The following THSD7B variants were observed in gnomAD, a reference collection of about 807,000 sequenced individuals.
THSD7B encodes the protein thrombospondin type 1 domain containing 7B, also known as thrombospondin type-1 domain-containing protein 7B.
Under a neutral mutation model 213.6 loss-of-function variants are expected in THSD7B, and 138 were observed. The observed-to-expected ratio is 0.65, with a 90% confidence interval of 0.56 to 0.74. The LOEUF is 0.74. THSD7B is among the 30% of genes least tolerant of loss of function. The probability of loss-of-function intolerance (pLI) is 0.00; values close to 1 mark genes in which losing one functional copy is unlikely to be tolerated. For synonymous variants in THSD7B, 742 were observed against 687.0 expected, an observed-to-expected ratio of 1.08 and a Z score of -1.25; for missense variants, 1,931 against 1,991.5, an observed-to-expected ratio of 0.97 and a Z score of 0.58.
chr2:137,271,495 T>C (rs189166274), intron 10 of THSD7B, among the ~76,000 whole-genome samples: 1 of 139,734 alleles, frequency 7.2e-6, no homozygotes, highest in African/African-American at 2.8e-5. Flanking sequence ...ATATATATAT[T>C]ATTCATTCAT....
intron 12 of THSD7B, among the ~76,000 whole-genome samples, chr2:137,351,273 A>T (rs988480715): frequency 6.6e-6 from 1 of 151,976 alleles, no homozygotes; most frequent in African/African-American, 2.4e-5. Context: ...TAAGCTTAAC[A>T]TAGAAGATAT....
chr2:137,163,076 G>A lies in THSD7B; in HGVS notation c.1525+2708G>A, dbSNP rs772089734. ...CTTGAACTTTCAGTTTTATTTTTCC[G>A]GATAATTCGGAACTGGCCCATGGAA... On this transcript the variant is annotated intron_variant, in intron 6 of 27. Coordinates refer to ENST00000409968, the MANE Select transcript of THSD7B (RefSeq NM_001316349.2). 4.6e-5 allele frequency among the ~76,000 whole-genome samples: 7 copies of A among 151,962 alleles called. No individual in the cohort carries two copies. In the East Asian group the frequency reaches 7.7e-4, roughly 17 times the overall value.
At chr2:137,620,528 G>GA (rs1682498663) in intron 19 of THSD7B, 81 bp from the exon 20 acceptor site, 2 of 1,063,824 alleles carry the variant, frequency 1.9e-6, no homozygotes, top group Admixed American at 3.7e-5. Context: ...CAGAGTAAAG[G>GA]AAAGTCTTTC....
At chr2:136,932,485 G>C (rs894027972) in intron 2 of THSD7B, among the ~76,000 whole-genome samples, 6 of 147,910 alleles carry the variant, frequency 4.1e-5, no homozygotes, top group Non-Finnish European at 7.6e-5. Context: ...TAACTAATAG[G>C]CTATGGTTGA....
chr2:137,457,524 C>G (rs1687786463), intron 15 of THSD7B, among the ~76,000 whole-genome samples: 1 of 152,148 alleles, frequency 6.6e-6, no homozygotes, highest in Non-Finnish European at 1.5e-5. Context: ...ATCCCTAATC[C>G]CTTAACTCCT....
chr2:137,009,638 C>CA (rs1305212910), intron 2 of THSD7B, among the ~76,000 whole-genome samples: 3 of 151,956 alleles, frequency 2.0e-5, no homozygotes, highest in African/African-American at 4.8e-5. Context: ...GAAAACCAAG[C>CA]AAAAAGGGAA....
chr2:137,572,637 C>CCTG, intron 17 of THSD7B, 81 bp downstream of exon 17: 2 of 1,450,666 alleles, frequency 1.4e-6, no homozygotes, highest in South Asian at 1.4e-5. Context: ...CAGTGCTAGT[C>CCTG]TCCAAAGCAT....
At chr2:137,153,874 A>G (rs1679861825) in intron 5 of THSD7B, among the ~76,000 whole-genome samples, 1 of 152,130 alleles carries the variant, frequency 6.6e-6, no homozygotes, top group South Asian at 2.1e-4. Flanking sequence ...AGGCTCTTTC[A>G]TTAGTTTCAA....
intron 1 of THSD7B, among the ~76,000 whole-genome samples, chr2:136,843,878 T>C (rs1021353972): frequency 6.6e-6 from 1 of 152,188 alleles, no homozygotes; most frequent in Non-Finnish European, 1.5e-5. Context: ...CACAGAATCC[T>C]TTGAACACTA....
chr2:137,116,956 C>T (rs776208734), intron 5 of THSD7B, among the ~76,000 whole-genome samples: 3 of 152,116 alleles, frequency 2.0e-5, no homozygotes, highest in Non-Finnish European at 4.4e-5. Context: ...ACAGAAAGTA[C>T]TTAGAAAGCT....
intron 3 of THSD7B, among the ~76,000 whole-genome samples, chr2:137,094,610 C>T (rs983481711): frequency 1.1e-4 from 16 of 151,276 alleles, no homozygotes; most frequent in African/African-American, 1.5e-4. Flanking sequence ...TCTAATAATA[C>T]GGATAATACT....
At chr2:137,350,720 G>A (rs529534124) in intron 12 of THSD7B, among the ~76,000 whole-genome samples, 15 of 151,902 alleles carry the variant, frequency 9.9e-5, no homozygotes, top group East Asian at 5.8e-4. Flanking sequence ...TTGATAAACC[G>A]GAGGAGACAG....
chr2:137,481,591 C>T (rs1688306881), intron 15 of THSD7B, among the ~76,000 whole-genome samples: 1 of 152,208 alleles, frequency 6.6e-6, no homozygotes, highest in Non-Finnish European at 1.5e-5. Flanking sequence ...GTAAGGATTA[C>T]TTAGCTCTGT....
chr2:137,393,553 T>A (rs1686097288), intron 12 of THSD7B, among the ~76,000 whole-genome samples: 1 of 148,780 alleles, frequency 6.7e-6, no homozygotes, highest in Non-Finnish European at 1.5e-5. Context: ...CTTAATCCAG[T>A]CTATCATTGT....
chr2:137,539,081 T>A (rs555737647), intron 15 of THSD7B, among the ~76,000 whole-genome samples: 1 of 151,890 alleles, frequency 6.6e-6, no homozygotes, highest in South Asian at 2.1e-4. Flanking sequence ...TCTTTACTTT[T>A]ATAGTTTTAA....
intron 15 of THSD7B, among the ~76,000 whole-genome samples, chr2:137,513,677 T>C (rs1328974068): frequency 6.6e-6 from 1 of 152,184 alleles, no homozygotes; most frequent in East Asian, 1.9e-4. Context: ...TTCTGTCTTA[T>C]TTAGAGTATC....
At chr2:136,971,096 A>T (rs1193897619) in intron 2 of THSD7B, among the ~76,000 whole-genome samples, 1 of 152,204 alleles carries the variant, frequency 6.6e-6, no homozygotes, top group African/African-American at 2.4e-5. Context: ...TGAAATCTGG[A>T]CACAAAATAT....
intron 27 of THSD7B, among the ~76,000 whole-genome samples, chr2:137,674,932 A>C (rs1683663346): frequency 6.6e-6 from 1 of 152,200 alleles, no homozygotes; most frequent in Non-Finnish European, 1.5e-5. Flanking sequence ...CAATCAAAAA[A>C]ATAATTTTAC....
At chr2:136,961,251 C>T (rs1368393850) in intron 2 of THSD7B, among the ~76,000 whole-genome samples, 1 of 133,280 alleles carries the variant, frequency 7.5e-6, no homozygotes, top group Non-Finnish European at 1.5e-5. Flanking sequence ...GATGGAGTCT[C>T]ACTCTGTTGC....
Sources: gnomAD v4.1 joint callset for allele counts (sites outside exome capture counted in the v4.1 genomes callset) on GRCh38, gnomAD v4.1.1 for gene constraint, MANE v1.5 for transcripts, NCBI Gene and HGNC (gene_info 2026-07-23, HGNC 2026-07-21) for gene names.